Variants in C5orf58 observed in about 807,000 individuals in gnomAD.
The protein encoded by C5orf58 is chromosome 5 open reading frame 58, also known as putative uncharacterized protein C5orf58.
A neutral mutation model predicts 2.9 loss-of-function variants in C5orf58; 2 were observed. That is an observed-to-expected ratio of 0.69 (90% confidence interval 0.28 to 2.18). The LOEUF (loss-of-function observed/expected upper bound fraction) is 2.18. C5orf58 is among the 30% of genes most tolerant of loss of function. C5orf58 has a pLI of 0.13. For missense variants in C5orf58, 96 were observed against 91.7 expected (o/e 1.05, Z -0.19); for synonymous variants, 37 against 33.4 (o/e 1.11, Z -0.37).
intron 3 of C5orf58, among the ~76,000 whole-genome samples, chr5:170,236,623 TC>T (rs1377557588): frequency 6.6e-6 from 1 of 152,136 alleles, no homozygotes; most frequent in Non-Finnish European, 1.5e-5. Flanking sequence ...TCCCCTCCTT[TC>T]CCCTCTAGTC....
chr5:170,243,625 T>G (rs1236879303), intron 3 of C5orf58, among the ~76,000 whole-genome samples: 1 of 150,178 alleles, frequency 6.7e-6, no homozygotes, highest in African/African-American at 2.4e-5. Flanking sequence ...GTTTTCCATT[T>G]GCTTGGTAGA....
chr5:170,242,661 T>G (rs1419883611), intron 3 of C5orf58, among the ~76,000 whole-genome samples: 1 of 125,122 alleles, frequency 8.0e-6, no homozygotes, highest in Non-Finnish European at 1.7e-5. Flanking sequence ...TATTGGATTC[T>G]TCTCTCTTTT....
chr5:170,250,587 C>A, downstream of C5orf58: 1 of 656,338 alleles, frequency 1.5e-6, no homozygotes, highest in South Asian at 1.9e-5. Flanking sequence ...CTTTATTTCT[C>A]TTCCAATAAA....
At chr5:170,245,680 C>T (rs143429117) in intron 3 of C5orf58, among the ~76,000 whole-genome samples, 4,204 of 152,318 alleles carry the variant, frequency 0.028, 96 homozygotes, top group Non-Finnish European at 0.043. Flanking sequence ...TCTGGCACTC[C>T]CTAGTGAGAT....
chr5:170,244,512 G>T (rs965604375), intron 3 of C5orf58, among the ~76,000 whole-genome samples: 34 of 151,058 alleles, frequency 2.3e-4, no homozygotes, highest in Non-Finnish European at 4.3e-4. Flanking sequence ...TTCCCTTCTC[G>T]CTTCATTTCA....
chr5:170,236,655 A>G (rs943615993), intron 3 of C5orf58, among the ~76,000 whole-genome samples: 1 of 152,154 alleles, frequency 6.6e-6, no homozygotes. Context: ...TTCTTACTGC[A>G]TGTTCTATGC....
chr5:170,245,617 C>T (rs902354718), intron 3 of C5orf58, among the ~76,000 whole-genome samples: 6 of 152,334 alleles, frequency 3.9e-5, no homozygotes, highest in South Asian at 4.1e-4. Flanking sequence ...GGCAATGCCT[C>T]GCCCTGCTTC....
intron 3 of C5orf58, among the ~76,000 whole-genome samples, chr5:170,239,838 A>G (rs578087114): frequency 1.3e-5 from 2 of 152,162 alleles, no homozygotes; most frequent in South Asian, 2.1e-4. Context: ...GGTTAGTTAC[A>G]TATGTATACA....
chr5:170,238,828 A>G (rs1760851696), intron 3 of C5orf58, among the ~76,000 whole-genome samples: 1 of 152,226 alleles, frequency 6.6e-6, no homozygotes, highest in Non-Finnish European at 1.5e-5. Context: ...AACCTAATTA[A>G]GGATTAGTGT....
intron 3 of C5orf58, among the ~76,000 whole-genome samples, chr5:170,235,710 C>T (rs1360294527): frequency 6.6e-6 from 1 of 152,200 alleles, no homozygotes; most frequent in Non-Finnish European, 1.5e-5. Context: ...CTATTGCTTT[C>T]ACCTAAGAGT....
At chr5:170,248,399 CT>C (rs1442192613), downstream of C5orf58, 6 of 267,856 alleles carry the variant, frequency 2.2e-5, no homozygotes, top group Middle Eastern at 1.3e-3. Context: ...GTGTAAACTA[CT>C]GTATTTTGAA....
chr5:170,250,700 T>C (rs770879338), downstream of C5orf58: 2 of 1,595,282 alleles, frequency 1.3e-6, no homozygotes, highest in African/African-American at 1.3e-5. Flanking sequence ...ATAAAGACTT[T>C]GGGAAAATGT....
intron 3 of C5orf58, among the ~76,000 whole-genome samples, chr5:170,239,656 A>G (rs1760896634): frequency 6.6e-6 from 1 of 152,226 alleles, no homozygotes. Flanking sequence ...AGTTAAAACC[A>G]TATAAATCAA....
exon 3 of C5orf58, chr5:170,252,038 T>G: frequency 9.9e-6 from 2 of 202,976 alleles, no homozygotes; most frequent in Non-Finnish European, 2.1e-5. Context: ...CTGCCATCTC[T>G]TTAATATTGG....
chr5:170,243,423 G>A (rs1265795116), intron 3 of C5orf58, among the ~76,000 whole-genome samples: 1 of 143,006 alleles, frequency 7.0e-6, no homozygotes, highest in East Asian at 2.0e-4. Flanking sequence ...AAGTCTCTTT[G>A]TAGGTCACTC....
In C5orf58 at chr5:170,234,809, C is replaced by T. The variant is rs529764469; in HGVS notation, c.1-168C>T. ...GGAGTTTTTAGTTGGAAAAATATTACATAACACATTAATGCCTTTTGATGT... is the reference window on the plus strand; with the variant it reads ...GGAGTTTTTAGTTGGAAAAATATTATATAACACATTAATGCCTTTTGATGT... On this transcript the variant is annotated intron_variant, in intron 2 of 3. Coordinates refer to ENST00000593851, the MANE Select transcript of C5orf58 (RefSeq NM_001102609.3). 3 of 434,856 alleles carry T rather than the reference C, an allele frequency of 6.9e-6. No individual in the cohort carries two copies. In the South Asian group the frequency reaches 1.0e-4, roughly 15 times the overall value. 26.9% of individuals were successfully genotyped at this position (434,856 alleles called of 1,614,324 possible).
rs959871685 is a variant in C5orf58 at position 170,233,010 on chromosome 5, G to A, written c.-85+3G>A. On this transcript the variant is annotated splice_donor_region_variant and intron_variant, in intron 1 of 3. Coordinates refer to ENST00000593851, the MANE Select transcript of C5orf58 (RefSeq NM_001102609.3). Reference sequence around the variant, plus strand: ...GAACCTCGGTGACGGTTGGCCAGGTGGGTAGTGACGGCTGCTCGGTCTTGA... The same window carrying A: ...GAACCTCGGTGACGGTTGGCCAGGTAGGTAGTGACGGCTGCTCGGTCTTGA... 3 of 981,902 alleles carry A rather than the reference G, an allele frequency of 3.1e-6. No homozygotes were observed. The highest frequency in any genetic ancestry group is 3.6e-6 in the Non-Finnish European group (3 of 826,788). 60.8% of individuals were successfully genotyped at this position (981,902 alleles called of 1,614,324 possible).
intron 3 of C5orf58, 62 bp from the exon 4 acceptor site, chr5:170,245,900 C>A: frequency 6.8e-7 from 1 of 1,475,958 alleles, no homozygotes; most frequent in Non-Finnish European, 9.3e-7. Context: ...CTACTTAAAG[C>A]AATAATAGTT....
At chr5:170,238,341 T>A (rs1026969175) in intron 3 of C5orf58, among the ~76,000 whole-genome samples, 1 of 152,236 alleles carries the variant, frequency 6.6e-6, no homozygotes, top group South Asian at 2.1e-4. Context: ...ATTAAAAATG[T>A]GACCATAGAC....
Sources: allele counts gnomAD v4.1 joint callset (sites outside exome capture counted in the v4.1 genomes callset), GRCh38; gene constraint gnomAD v4.1.1; transcripts MANE v1.5; gene names NCBI Gene and HGNC (gene_info 2026-07-23, HGNC 2026-07-21).